ANKFN1: variants seen among roughly 807,000 people sequenced by gnomAD.
The protein encoded by ANKFN1 is ankyrin repeat and fibronectin type-III domain-containing protein 1.
A neutral mutation model predicts 108.7 loss-of-function variants in ANKFN1; 74 were observed. The ratio of observed to expected loss-of-function variants is 0.68; its 90% CI spans 0.56 to 0.83. The LOEUF (loss-of-function observed/expected upper bound fraction) is 0.83. Ranked by LOEUF, ANKFN1 falls within the 40% of genes least tolerant of loss-of-function variation. ANKFN1 has a pLI of 0.00. For synonymous variants in ANKFN1, 547 were observed against 516.2 expected (o/e 1.06, Z -0.81); for missense variants, 1,505 against 1,382.3 (o/e 1.09, Z -1.41).
Position 56,174,179 on chromosome 17 carries a change from C to T in ANKFN1, c.-71+20649C>T, listed in dbSNP as rs1411539383. The T allele has an allele frequency of 7.1e-6, 7 of 985,538 alleles. No homozygotes were observed. In the South Asian group the frequency reaches 2.3e-4, roughly 33 times the overall value. 61.0% of individuals were successfully genotyped at this position (985,538 alleles called of 1,614,324 possible). ...CATTCTCTGGAGGCTGCATTCATTT[C>T]CTGGGCTGGCCACAGAGCCAGATGC... On this transcript the variant is annotated intron_variant, in intron 1 of 20. Transcript: ENST00000682825.
intron 10 of ANKFN1, among the ~76,000 whole-genome samples, chr17:56,448,832 A>T (rs918516010): frequency 6.6e-6 from 1 of 152,170 alleles, no homozygotes. Flanking sequence ...TTTGGCTTTC[A>T]ATTACCATTT....
intron 3 of ANKFN1, among the ~76,000 whole-genome samples, chr17:56,321,181 C>A (rs779610509): frequency 6.6e-6 from 1 of 151,774 alleles, no homozygotes; most frequent in East Asian, 1.9e-4. Flanking sequence ...GTTTCACATT[C>A]ATTACTAACA....
intron 1 of ANKFN1, among the ~76,000 whole-genome samples, chr17:56,202,686 T>C (rs1012007341): frequency 6.6e-6 from 1 of 152,204 alleles, no homozygotes; most frequent in African/African-American, 2.4e-5. Flanking sequence ...TCAGATGAAG[T>C]GATTCATAAT....
At chr17:56,315,099 G>T (rs1376223964) in intron 3 of ANKFN1, among the ~76,000 whole-genome samples, 1 of 152,072 alleles carries the variant, frequency 6.6e-6, no homozygotes, top group African/African-American at 2.4e-5. Flanking sequence ...AATTCAATCA[G>T]TTAAAACAGC....
At chr17:56,359,913 G>T (rs957699196) in intron 6 of ANKFN1, among the ~76,000 whole-genome samples, 1 of 152,156 alleles carries the variant, frequency 6.6e-6, no homozygotes, top group African/African-American at 2.4e-5. Context: ...TGTCCTCAGA[G>T]TCAGTTTATG....
At chr17:56,090,170 A>T (rs1436175265) in intron 4 of ANKFN1, among the ~76,000 whole-genome samples, 1 of 151,240 alleles carries the variant, frequency 6.6e-6, no homozygotes, top group African/African-American at 2.4e-5. Context: ...GCTAGGGCAG[A>T]GCATGTCACG....
chr17:56,085,112 T>C (rs1319399006), intron 4 of ANKFN1, among the ~76,000 whole-genome samples: 2 of 150,320 alleles, frequency 1.3e-5, no homozygotes, highest in East Asian at 1.9e-4. Flanking sequence ...TGTGCCAGGT[T>C]GTTCAGGAGT....
chr17:56,140,381 C>T (rs1231862000), intron 4 of ANKFN1, among the ~76,000 whole-genome samples: 1 of 152,188 alleles, frequency 6.6e-6, no homozygotes, highest in Non-Finnish European at 1.5e-5. Context: ...TTTCCAATAT[C>T]CCCTGCATGG....
At chr17:56,404,115 T>G (rs1056499783) in intron 8 of ANKFN1, among the ~76,000 whole-genome samples, 6 of 152,168 alleles carry the variant, frequency 3.9e-5, no homozygotes, top group African/African-American at 1.4e-4. Context: ...CTTCTTAACT[T>G]TGGATAACAT....
At chr17:56,466,197 G>T (rs2050066821) in intron 14 of ANKFN1, among the ~76,000 whole-genome samples, 159 bp from the exon 15 acceptor site, 1 of 151,378 alleles carries the variant, frequency 6.6e-6, no homozygotes, top group Non-Finnish European at 1.5e-5. Context: ...TGAAGTACAT[G>T]TCTATGATGC....
At position 56,156,781 on chromosome 17, in the gene ANKFN1, G is replaced by A. The variant is rs558200052; in HGVS notation, c.-71+3251G>A. On this transcript the variant is annotated intron_variant, in intron 1 of 20. Coordinates refer to ENST00000682825, the MANE Select transcript of ANKFN1 (RefSeq NM_001370326.1). ...ACTACAGCCCCACAGGGCAATCCTAGCTTGCCCTCTGTTTTTATAAATAAT... is the reference window on the plus strand; with the variant it reads ...ACTACAGCCCCACAGGGCAATCCTAACTTGCCCTCTGTTTTTATAAATAAT... Among the ~76,000 whole-genome samples the A allele has an allele frequency of 1.2e-4, 18 of 152,238 alleles. No individual in the cohort carries two copies. In the South Asian group the frequency reaches 3.7e-3, roughly 32 times the overall value.
At chr17:56,163,047 GA>G (rs1205260303) in intron 1 of ANKFN1, among the ~76,000 whole-genome samples, 1 of 145,230 alleles carries the variant, frequency 6.9e-6, no homozygotes, top group South Asian at 2.2e-4. Flanking sequence ...AAAAAAAAAA[GA>G]AAAAAAGAAA....
At chr17:56,420,840 T>C (rs1567987996) in intron 8 of ANKFN1, among the ~76,000 whole-genome samples, 1 of 152,044 alleles carries the variant, frequency 6.6e-6, no homozygotes, top group Non-Finnish European at 1.5e-5. Flanking sequence ...CCCAAGTAGC[T>C]GGGACTACAG....
At chr17:56,057,379 G>A (rs1399283324) in intron 4 of ANKFN1, among the ~76,000 whole-genome samples, 3 of 152,126 alleles carry the variant, frequency 2.0e-5, no homozygotes, top group Non-Finnish European at 2.9e-5. Flanking sequence ...GATTTAGTTT[G>A]TCAAGCTCCA....
chr17:56,452,175 T>C (rs1048854029), intron 11 of ANKFN1, among the ~76,000 whole-genome samples: 1 of 152,200 alleles, frequency 6.6e-6, no homozygotes, highest in South Asian at 2.1e-4. Context: ...AATACAATAG[T>C]AACTGAAACC....
At chr17:56,202,816 A>G (rs1483301634) in intron 1 of ANKFN1, among the ~76,000 whole-genome samples, 5 of 152,244 alleles carry the variant, frequency 3.3e-5, no homozygotes, top group Non-Finnish European at 7.3e-5. Flanking sequence ...TGAAAAAAAT[A>G]TAATGATGCG....
chr17:56,268,112 C>T (rs1282046842), intron 3 of ANKFN1, among the ~76,000 whole-genome samples: 1 of 151,700 alleles, frequency 6.6e-6, no homozygotes, highest in Admixed American at 6.6e-5. Context: ...ATACTCCACC[C>T]AATAACAAAA....
chr17:56,442,240 G>A (rs2049128930), intron 9 of ANKFN1, among the ~76,000 whole-genome samples: 1 of 152,156 alleles, frequency 6.6e-6, no homozygotes, highest in Admixed American at 6.5e-5. Flanking sequence ...CATGTTTATT[G>A]TAGCACAAAA....
chr17:56,191,860 G>A (rs1333152416), intron 1 of ANKFN1, among the ~76,000 whole-genome samples: 4 of 149,554 alleles, frequency 2.7e-5, no homozygotes, highest in Non-Finnish European at 4.4e-5. Context: ...CCAATCAGAC[G>A]TAGATTTGGT....
Sources: gnomAD v4.1 joint callset for allele counts (sites outside exome capture counted in the v4.1 genomes callset) on GRCh38, gnomAD v4.1.1 for gene constraint, MANE v1.5 for transcripts, NCBI Gene and HGNC (gene_info 2026-07-23, HGNC 2026-07-21) for gene names.